The following TCAIM variants were observed in gnomAD, a reference collection of about 807,000 sequenced individuals.
The protein encoded by TCAIM is T-cell activation inhibitor, mitochondrial.
TCAIM carries 36 observed loss-of-function variants against 58.6 expected under a neutral mutation model. The observed-to-expected ratio is 0.61, with a 90% CI of 0.47 to 0.81. The LOEUF (loss-of-function observed/expected upper bound fraction) is 0.81, where lower values mean the gene tolerates loss of function less well. Ranked by LOEUF, TCAIM falls within the 30% of genes least tolerant of loss-of-function variation. TCAIM has a pLI of 0.00. For synonymous variants in TCAIM, 172 were observed against 193.6 expected, an observed-to-expected ratio of 0.89 and a Z score of 0.93; for missense variants, 466 against 579.6, an observed-to-expected ratio of 0.80 and a Z score of 2.01.
At chr3:44,342,888 G>A (rs188043244) in intron 1 of TCAIM, among the ~76,000 whole-genome samples, 27 of 152,122 alleles carry the variant, frequency 1.8e-4, no homozygotes, top group Admixed American at 1.4e-3. Flanking sequence ...TGTAATCTCA[G>A]CACTTTGGGA....
rs575761919 is a variant in TCAIM at position 44,338,795 on chromosome 3, T to C, written c.-84T>C. 1 of 152,424 alleles carries C rather than the reference T, an allele frequency of 6.6e-6. No homozygotes were observed. The highest frequency in any genetic ancestry group is 6.5e-5 in the Admixed American group (1 of 15,302). 9.4% of individuals were successfully genotyped at this position (152,424 alleles called of 1,614,324 possible). On this transcript the variant is annotated 5_prime_UTR_variant, in exon 1 of 11. Coordinates refer to ENST00000342649, the MANE Select transcript of TCAIM (RefSeq NM_173826.4). ...TGGTGTACTGGGTGGGAGGTGGAAC[T>C]AGTCGGACAAAGCCCTCGCGTCGGA...
At chr3:44,388,200 T>G (rs1000496480) in intron 5 of TCAIM, among the ~76,000 whole-genome samples, 2 of 152,174 alleles carry the variant, frequency 1.3e-5, no homozygotes, top group African/African-American at 4.8e-5. Context: ...TTAACACTTA[T>G]GACAATACTA....
intron 3 of TCAIM, among the ~76,000 whole-genome samples, chr3:44,360,178 T>G (rs1010739201): frequency 6.6e-6 from 1 of 152,128 alleles, no homozygotes; most frequent in Non-Finnish European, 1.5e-5. Context: ...CTGCAGTACT[T>G]GTTTTTTTTT....
intron 5 of TCAIM, among the ~76,000 whole-genome samples, chr3:44,370,304 A>T (rs1701444047): frequency 6.6e-6 from 1 of 152,108 alleles, no homozygotes; most frequent in Non-Finnish European, 1.5e-5. Context: ...TACTAAAAAT[A>T]CAAAAAATTA....
At chr3:44,340,963 A>G (rs1700843587) in intron 1 of TCAIM, 1 of 152,198 alleles carries the variant, frequency 6.6e-6, no homozygotes, top group Non-Finnish European at 1.5e-5. Flanking sequence ...CAAAAGACTC[A>G]TAGTACTCGG....
intron 1 of TCAIM, among the ~76,000 whole-genome samples, chr3:44,347,929 C>T (rs1346571288): frequency 3.3e-5 from 5 of 151,918 alleles, no homozygotes; most frequent in South Asian, 2.1e-4. Context: ...GGGGAAAGGG[C>T]GGCAATGAGG....
chr3:44,368,494 A>T (rs1701415570), intron 5 of TCAIM, among the ~76,000 whole-genome samples: 1 of 152,246 alleles, frequency 6.6e-6, no homozygotes, highest in Non-Finnish European at 1.5e-5. Context: ...CTGAAAAGGT[A>T]GGAAGGTAGC....
chr3:44,390,760 C>T (rs1701821509), intron 5 of TCAIM, among the ~76,000 whole-genome samples: 1 of 152,160 alleles, frequency 6.6e-6, no homozygotes, highest in East Asian at 1.9e-4. Context: ...CACTTGAGCC[C>T]AGAAGTTTGG....
intron 5 of TCAIM, among the ~76,000 whole-genome samples, chr3:44,383,908 C>T (rs1398219080): frequency 2.6e-5 from 4 of 151,422 alleles, no homozygotes; most frequent in Non-Finnish European, 5.9e-5. Flanking sequence ...GAGTAAGACC[C>T]TGTCTTTAAA....
intron 5 of TCAIM, 129 bp from the exon 6 acceptor site, chr3:44,392,726 T>C (rs1701858031): frequency 2.5e-6 from 2 of 796,648 alleles, no homozygotes; most frequent in African/African-American, 3.5e-5. Flanking sequence ...CAATCTGTCA[T>C]TGATTGGCAT....
chr3:44,396,258 CAT>C (rs1701931123), intron 6 of TCAIM, 140 bp from the exon 7 acceptor site: 1 of 614,658 alleles, frequency 1.6e-6, no homozygotes, highest in East Asian at 3.2e-5. Context: ...AGCTTAGAAA[CAT>C]ATGATCAATC....
intron 5 of TCAIM, among the ~76,000 whole-genome samples, chr3:44,377,795 A>G (rs1357151876): frequency 2.0e-5 from 3 of 152,188 alleles, no homozygotes; most frequent in Non-Finnish European, 4.4e-5. Flanking sequence ...TGTACCACAT[A>G]AATATACTTA....
chr3:44,372,009 AGAAGGAAG>A (rs568035350), intron 5 of TCAIM, among the ~76,000 whole-genome samples: 16,673 of 115,360 alleles, frequency 0.14, 1,371 homozygotes, highest in South Asian at 0.21. Flanking sequence ...AGAGAAAGAG[AGAAGGAAG>A]GAAGGAAGGA....
chr3:44,389,735 A>G (rs534786573), intron 5 of TCAIM, among the ~76,000 whole-genome samples: 13 of 132,474 alleles, frequency 9.8e-5, no homozygotes, highest in African/African-American at 3.4e-4. Context: ...TGCTATGCAA[A>G]GTCATTGAAT....
At chr3:44,367,936 T>G (rs1701407851) in intron 5 of TCAIM, 2 of 422,880 alleles carry the variant, frequency 4.7e-6, no homozygotes, top group Non-Finnish European at 8.3e-6. Context: ...TACTTCCAAC[T>G]GTATTTAAAG....
At chr3:44,351,066 G>A (rs537809513) in intron 1 of TCAIM, among the ~76,000 whole-genome samples, 292 of 152,304 alleles carry the variant, frequency 1.9e-3, no homozygotes, top group African/African-American at 6.5e-3. Flanking sequence ...GCAATGGTGC[G>A]ATCTCGGCTC....
At position 44,347,325 on chromosome 3, in the gene TCAIM, G is replaced by A. The variant is rs562822190; in HGVS notation, c.-44-7414G>A. The stretch of plus-strand genomic sequence containing the variant: ...ATCAAAATACTTAATAAGGTGTGAA[G>A]TAGATGGACAGAAAGAGAGTAAATT... On this transcript the variant is annotated intron_variant, in intron 1 of 10. Coordinates refer to ENST00000342649, the MANE Select transcript of TCAIM (RefSeq NM_173826.4). Among the ~76,000 whole-genome samples, 38 of 152,310 alleles carry A rather than the reference G, an allele frequency of 2.5e-4. No homozygotes were observed. The South Asian group carries it at 7.9e-3, about 32-fold the overall frequency.
intron 5 of TCAIM, among the ~76,000 whole-genome samples, chr3:44,369,379 T>C (rs1378819922): frequency 1.3e-5 from 2 of 152,340 alleles, no homozygotes; most frequent in South Asian, 4.1e-4. Context: ...TAACAGTTTT[T>C]GGACTTCACT....
At chr3:44,367,837 T>A in intron 5 of TCAIM, 129 bp downstream of exon 5, 1 of 948,934 alleles carries the variant, frequency 1.1e-6, no homozygotes, top group African/African-American at 1.7e-5. Flanking sequence ...AAAACCTAAT[T>A]TTCCAGGAAA....
Sources: allele counts gnomAD v4.1 joint callset (sites outside exome capture counted in the v4.1 genomes callset), GRCh38; gene constraint gnomAD v4.1.1; transcripts MANE v1.5; gene names NCBI Gene and HGNC (gene_info 2026-07-23, HGNC 2026-07-21).